Variants in WDFY4 observed in about 807,000 individuals in gnomAD.
The protein encoded by WDFY4 is WD repeat- and FYVE domain-containing protein 4.
WDFY4 carries 169 observed loss-of-function variants against 351.9 expected under a neutral mutation model. The ratio of observed to expected loss-of-function variants is 0.48; its 90% CI spans 0.42 to 0.55. The LOEUF (loss-of-function observed/expected upper bound fraction) is 0.55, where lower values mean the gene tolerates loss of function less well. Ranked by LOEUF, WDFY4 falls within the 20% of genes least tolerant of loss-of-function variation. The probability of loss-of-function intolerance (pLI) is 0.00; values close to 1 mark genes in which losing one functional copy is unlikely to be tolerated. For missense variants in WDFY4, 3,803 were observed against 3,935.6 expected (o/e 0.97, Z 0.90); for synonymous variants, 1,622 against 1,574.6 (o/e 1.03, Z -0.71).
In WDFY4 at chr10:48,727,461, C is replaced by G; in HGVS notation, c.782-9C>G. On this transcript the variant is annotated splice_polypyrimidine_tract_variant and intron_variant, in intron 6 of 61. Coordinates refer to ENST00000325239, the MANE Select transcript of WDFY4 (RefSeq NM_001394531.1). ...CTCAGCAGGTCTCTCCTGTGCTTCC[C>G]TCCTGCAGCCACAGACTGTGTCAGG... The G allele has an allele frequency of 7.7e-6, 12 of 1,551,348 alleles. No individual in the cohort carries two copies. Among genetic ancestry groups the G allele is most frequent in the Non-Finnish European group, 1.0e-5 (12 of 1,146,770 alleles).
At chr10:48,768,906 T>A (rs543754958) in intron 13 of WDFY4, among the ~76,000 whole-genome samples, 1 of 152,186 alleles carries the variant, frequency 6.6e-6, no homozygotes, top group East Asian at 1.9e-4. Flanking sequence ...GAAAGGACAT[T>A]CCCAGCTTCA....
chr10:48,852,635 C>T lies in WDFY4; in HGVS notation c.6664-14630C>T, dbSNP rs767086648. 5.3e-5 allele frequency among the ~76,000 whole-genome samples: 8 copies of T among 152,252 alleles called. No homozygotes were observed. In the East Asian group the frequency reaches 1.2e-3, roughly 22 times the overall value. On this transcript the variant is annotated intron_variant, in intron 39 of 61. Transcript: ENST00000325239. The stretch of plus-strand genomic sequence containing the variant: ...TTTGCCTCCTACTCCACTCTAGAAA[C>T]GGAAGCCATGAGGTGTGAACCATCT...
intron 45 of WDFY4, among the ~76,000 whole-genome samples, chr10:48,899,837 G>T (rs936880828): frequency 1.2e-4 from 18 of 152,094 alleles, no homozygotes; most frequent in African/African-American, 3.1e-4. Context: ...CCAGCTGCAC[G>T]CACTGAACTA....
chr10:48,818,731 C>T (rs1328254525), intron 32 of WDFY4, among the ~76,000 whole-genome samples: 1 of 152,032 alleles, frequency 6.6e-6, no homozygotes, highest in Non-Finnish European at 1.5e-5. Context: ...ATATAAAGAC[C>T]AGAAGTTTCA....
chr10:48,725,960 C>T lies in WDFY4; in HGVS notation c.671C>T (p.Ala224Val). 6.4e-7 allele frequency: 1 copy of T among 1,551,722 alleles called. No individual in the cohort carries two copies. The part of the protein sequence containing the change: ...SGSELQSLLI[A>V]TTCLREHSCC... ...AGTGAGCTGCAGTCTCTGCTGATTG[C>T]CACGACCTGCCTTCGGGAGCACAGC... Residue 224 changes from alanine (A) to valine (V), a missense_variant, in exon 6 of 62, where the codon GCC (alanine) becomes GTC (valine). Physicochemically the swap from Ala to Val is moderately conservative, Grantham distance 64. Coordinates refer to ENST00000325239, the MANE Select transcript of WDFY4 (RefSeq NM_001394531.1).
At position 48,966,512 on chromosome 10, in the gene WDFY4, C is replaced by T; in HGVS notation, c.8437-14C>T. The T allele has an allele frequency of 6.4e-7, 1 of 1,550,840 alleles. No individual in the cohort carries two copies. The highest frequency in any genetic ancestry group is 8.7e-7 in the Non-Finnish European group (1 of 1,146,256). On this transcript the variant is annotated splice_polypyrimidine_tract_variant and intron_variant, in intron 54 of 61. Transcript: ENST00000325239. ...ATCTCTCCCCTCATGTGTGTCTGTT[C>T]CCTGTCTCTCTAGCTCTTTACCAAA...
At position 48,787,944 on chromosome 10, in the gene WDFY4, T is replaced by TCTTCTTCTTCTC. The variant is rs2066524554; in HGVS notation, c.3809-575_3809-574insCCTTCTTCTTCT. Among the ~76,000 whole-genome samples, 6 of 97,050 alleles carry TCTTCTTCTTCTC rather than the reference T, an allele frequency of 6.2e-5. 1 individual carries two copies. Among genetic ancestry groups the TCTTCTTCTTCTC allele is most frequent in the South Asian group, 7.8e-4 (2 of 2,568 alleles). 63.7% of individuals were successfully genotyped at this position (97,050 alleles called of 152,430 possible). ...TTCTTCTTCTTCTTCTTCTTCTTCTTCTTCTTCTTCTTCTTCTTCTTCTTC... is the reference window on the plus strand; with the variant it reads ...TTCTTCTTCTTCTTCTTCTTCTTCTTCTTCTTCTTCTCCTTCTTCTTCTTCTTCTTCTTCTTC... On this transcript the variant is annotated intron_variant, in intron 20 of 61. Coordinates refer to ENST00000325239, the MANE Select transcript of WDFY4 (RefSeq NM_001394531.1).
chr10:48,830,640 A>G (rs2068157658), intron 37 of WDFY4, 60 bp from the exon 38 acceptor site: 1 of 1,514,174 alleles, frequency 6.6e-7, no homozygotes, highest in Admixed American at 2.0e-5. Context: ...ACCATCTCCC[A>G]GCCCTCTCTG....
At chr10:48,965,304 C>A (rs1842027698) in intron 54 of WDFY4, among the ~76,000 whole-genome samples, 1 of 152,132 alleles carries the variant, frequency 6.6e-6, no homozygotes, top group African/African-American at 2.4e-5. Context: ...ACAAGTATTT[C>A]TAAAGTAGCC....
chr10:48,830,684 G>A lies in WDFY4; in HGVS notation c.6341-16G>A. Reference sequence around the variant, plus strand: ...ACTGAGGCCATCCTGAGTGTGCCATGTGCTCTCTCTGCTAGTCCAACACAA... The same window carrying A: ...ACTGAGGCCATCCTGAGTGTGCCATATGCTCTCTCTGCTAGTCCAACACAA... On this transcript the variant is annotated splice_polypyrimidine_tract_variant and intron_variant, in intron 37 of 61. Coordinates refer to ENST00000325239, the MANE Select transcript of WDFY4 (RefSeq NM_001394531.1). 2 of 1,548,372 alleles carry A rather than the reference G, an allele frequency of 1.3e-6. No individual in the cohort carries two copies. The highest frequency in any genetic ancestry group is 2.0e-5 in the Admixed American group (1 of 50,916).
At chr10:48,757,949 T>C (rs1361113613) in intron 12 of WDFY4, among the ~76,000 whole-genome samples, 1 of 152,172 alleles carries the variant, frequency 6.6e-6, no homozygotes, top group Non-Finnish European at 1.5e-5. Flanking sequence ...AATGTCACTT[T>C]CAACCATCAT....
In WDFY4 at chr10:48,942,379, C is replaced by CGTGTGTGT. The variant is rs3081534; in HGVS notation, c.7629+539_7629+546dup. 3.3e-3 allele frequency among the ~76,000 whole-genome samples: 494 copies of CGTGTGTGT among 151,148 alleles called. 4 individuals carry two copies. Among genetic ancestry groups the CGTGTGTGT allele is most frequent in the African/African-American group, 0.012 (479 of 41,264 alleles). ...CAGAGCTGGGGAATGTGCGTGTGTGCGTGTGTGTGTGTGTGCGCGCACGCG... is the reference window on the plus strand; with the variant it reads ...CAGAGCTGGGGAATGTGCGTGTGTGCGTGTGTGTGTGTGTGTGTGTGTGCGCGCACGCG... On this transcript the variant is annotated intron_variant, in intron 48 of 61. Coordinates refer to ENST00000325239, the MANE Select transcript of WDFY4 (RefSeq NM_001394531.1).
intron 39 of WDFY4, among the ~76,000 whole-genome samples, chr10:48,844,925 C>A (rs1425438300): frequency 1.3e-5 from 2 of 152,120 alleles, no homozygotes; most frequent in Non-Finnish European, 2.9e-5. Flanking sequence ...GATGATGCGC[C>A]AGAGACTTAC....
intron 51 of WDFY4, among the ~76,000 whole-genome samples, chr10:48,950,386 A>T (rs1341806046): frequency 2.0e-5 from 3 of 152,174 alleles, no homozygotes; most frequent in African/African-American, 7.2e-5. Flanking sequence ...CCTACGGCTG[A>T]GTCTGCGCCC....
At chr10:48,829,777 GGGA>G (rs1213276759) in intron 37 of WDFY4, among the ~76,000 whole-genome samples, 1 of 152,132 alleles carries the variant, frequency 6.6e-6, no homozygotes, top group Non-Finnish European at 1.5e-5. Context: ...ACTTGAACCT[GGGA>G]GGAGGAGGTT....
intron 47 of WDFY4, among the ~76,000 whole-genome samples, chr10:48,938,413 G>T (rs1840534187): frequency 6.6e-6 from 1 of 152,248 alleles, no homozygotes; most frequent in Non-Finnish European, 1.5e-5. Context: ...GAGTCCCTCG[G>T]CTGAGAGCCT....
At chr10:48,945,909 A>G in intron 49 of WDFY4, 131 bp from the exon 50 acceptor site, 1 of 584,100 alleles carries the variant, frequency 1.7e-6, no homozygotes, top group Non-Finnish European at 2.9e-6. Flanking sequence ...CCAGCCTGCC[A>G]GCTAACCACC....
At position 48,818,886 on chromosome 10, in the gene WDFY4, G is replaced by C. The variant is rs531835105; in HGVS notation, c.5506-1348G>C. Among the ~76,000 whole-genome samples the C allele has an allele frequency of 4.6e-5, 7 of 152,330 alleles. No individual in the cohort carries two copies. The East Asian group carries it at 1.4e-3, about 29-fold the overall frequency. ...TGGGATAGGACCCACAGCCAGAGGC[G>C]CAGGCAGCCTGGCCAGGGAGAGATC... On this transcript the variant is annotated intron_variant, in intron 32 of 61. Coordinates refer to ENST00000325239, the MANE Select transcript of WDFY4 (RefSeq NM_001394531.1).
At chr10:48,879,515 A>G (rs1008866917) in intron 43 of WDFY4, among the ~76,000 whole-genome samples, 3 of 152,240 alleles carry the variant, frequency 2.0e-5, no homozygotes, top group African/African-American at 7.2e-5. Context: ...TATCTCTGCC[A>G]GAAGAAATTA....
Sources: allele counts gnomAD v4.1 joint callset (sites outside exome capture counted in the v4.1 genomes callset), GRCh38; gene constraint gnomAD v4.1.1; transcripts MANE v1.5; gene names NCBI Gene and HGNC (gene_info 2026-07-23, HGNC 2026-07-21).